KIAA1217: variants seen among roughly 807,000 people sequenced by gnomAD.
KIAA1217 encodes the protein KIAA1217, also known as sickle tail protein homolog.
In KIAA1217, 88 loss-of-function variants were observed where a neutral mutation model predicts 163.9. That is an observed-to-expected ratio of 0.54 (90% CI 0.45 to 0.64). KIAA1217 has a LOEUF of 0.64. Among genes scored for constraint, KIAA1217 ranks in the 30% least tolerant of loss-of-function variants. The probability of loss-of-function intolerance (pLI) is 0.00; values close to 1 mark genes in which losing one functional copy is unlikely to be tolerated. For missense variants in KIAA1217, 2,372 were observed against 2,475.0 expected (o/e 0.96, Z 0.88); for synonymous variants, 903 against 923.1 (o/e 0.98, Z 0.39).
chr10:24,081,754 TA>T (rs2061545002), intron 2 of KIAA1217, among the ~76,000 whole-genome samples: 1 of 152,206 alleles, frequency 6.6e-6, no homozygotes, highest in Admixed American at 6.5e-5. Flanking sequence ...AGAAAATTTA[TA>T]AATTTGTGTT....
At chr10:24,289,744 A>G (rs760594654) in intron 2 of KIAA1217, among the ~76,000 whole-genome samples, 7 of 152,118 alleles carry the variant, frequency 4.6e-5, no homozygotes, top group Non-Finnish European at 8.8e-5. Flanking sequence ...AGGTAGTCTC[A>G]GTAATGACCA....
At chr10:24,239,515 G>A (rs1226928743) in intron 2 of KIAA1217, among the ~76,000 whole-genome samples, 1 of 130,434 alleles carries the variant, frequency 7.7e-6, no homozygotes, top group East Asian at 2.1e-4. Context: ...TTTTTTTATT[G>A]AATGAACTGA....
Position 23,910,721 on chromosome 10 carries a change from C to T in KIAA1217, c.-320-96504C>T, listed in dbSNP as rs938037209. ...TTAGGTGTAAGCTGGTTCATCCATT[C>T]GACTGTTATGAACAGCCGCAGACCT... On this transcript the variant is annotated intron_variant, in intron 1 of 18. Transcript: ENST00000376462. Among the ~76,000 whole-genome samples, 7 of 152,300 alleles carry T rather than the reference C, an allele frequency of 4.6e-5. No homozygotes were observed. In the East Asian group the frequency reaches 5.8e-4, roughly 13 times the overall value.
Position 23,790,424 on chromosome 10 carries a change from T to TATATAC in KIAA1217, c.-321+95202_-321+95207dup, listed in dbSNP as rs1358472836. ...ACATATATACATATACATATATACA[T>TATATAC]ATATACATATACATATATACATATA... On this transcript the variant is annotated intron_variant, in intron 1 of 18. Coordinates refer to the KIAA1217 transcript ENST00000376462. Among the ~76,000 whole-genome samples, 8 of 114,396 alleles carry TATATAC rather than the reference T, an allele frequency of 7.0e-5. 1 individual carries two copies. The highest frequency in any genetic ancestry group is 1.2e-4 in the Non-Finnish European group (7 of 58,554). 75.0% of individuals were successfully genotyped at this position (114,396 alleles called of 152,430 possible).
intron 1 of KIAA1217, among the ~76,000 whole-genome samples, chr10:23,816,601 C>T (rs1168179184): frequency 6.6e-6 from 1 of 152,082 alleles, no homozygotes; most frequent in African/African-American, 2.4e-5. Context: ...CAGGAGTTCA[C>T]TTTTTGATAA....
chr10:23,928,176 A>G (rs565779009), intron 1 of KIAA1217, among the ~76,000 whole-genome samples: 6 of 152,328 alleles, frequency 3.9e-5, no homozygotes, highest in Admixed American at 1.3e-4. Flanking sequence ...CAAGGAAGCC[A>G]CATCTGGCAG....
At chr10:24,020,440 G>A (rs1445106700) in intron 2 of KIAA1217, among the ~76,000 whole-genome samples, 1 of 152,050 alleles carries the variant, frequency 6.6e-6, no homozygotes, top group Non-Finnish European at 1.5e-5. Flanking sequence ...GTCTCATTTG[G>A]GTGGGCAGTG....
At chr10:24,214,307 A>C (rs2068532799) in intron 1 of KIAA1217, among the ~76,000 whole-genome samples, 1 of 152,190 alleles carries the variant, frequency 6.6e-6, no homozygotes, top group South Asian at 2.1e-4. Context: ...GATTAAGGTT[A>C]ATTGTTCACT....
intron 2 of KIAA1217, among the ~76,000 whole-genome samples, chr10:24,309,928 ATTG>A (rs1343839932): frequency 1.3e-5 from 2 of 152,190 alleles, no homozygotes; most frequent in African/African-American, 4.8e-5. Flanking sequence ...CAGTGCAATA[ATTG>A]TTATTTGCAC....
chr10:23,784,496 T>G (rs915020061), intron 1 of KIAA1217, among the ~76,000 whole-genome samples: 1 of 151,828 alleles, frequency 6.6e-6, no homozygotes, highest in Non-Finnish European at 1.5e-5. Context: ...TTCTGTGGGG[T>G]TTTTTTTGTT....
chr10:24,055,352 A>C (rs1849819381), intron 2 of KIAA1217, among the ~76,000 whole-genome samples: 1 of 152,202 alleles, frequency 6.6e-6, no homozygotes, highest in African/African-American at 2.4e-5. Flanking sequence ...TGTCTTGTTT[A>C]ATATTAGACT....
chr10:23,920,016 G>A (rs1315828960), intron 1 of KIAA1217, among the ~76,000 whole-genome samples: 1 of 152,180 alleles, frequency 6.6e-6, no homozygotes, highest in Non-Finnish European at 1.5e-5. Flanking sequence ...TCCAAGAGAA[G>A]ATTCCAGAAT....
intron 1 of KIAA1217, among the ~76,000 whole-genome samples, chr10:23,762,469 A>C (rs1834310591): frequency 6.6e-6 from 1 of 152,196 alleles, no homozygotes; most frequent in Admixed American, 6.5e-5. Flanking sequence ...AACATACCCA[A>C]ATCAATAAAT....
rs577327774 is a variant in KIAA1217, at chr10:24,115,507, A to C, written c.-170-104119A>C. Among the ~76,000 whole-genome samples the C allele has an allele frequency of 9.8e-5, 15 of 152,328 alleles. No homozygotes were observed. In the East Asian group the frequency reaches 2.9e-3, roughly 29 times the overall value. On this transcript the variant is annotated intron_variant, in intron 2 of 18. Coordinates refer to the KIAA1217 transcript ENST00000376462. The stretch of plus-strand genomic sequence containing the variant: ...CAGGCCAAAAACTGTCCAGTAATAC[A>C]CATGATCTCACACTTGTTTACAGGT...
chr10:24,298,564 G>A (rs563161204), intron 2 of KIAA1217, among the ~76,000 whole-genome samples: 89 of 152,216 alleles, frequency 5.8e-4, no homozygotes, highest in African/African-American at 1.8e-3. Context: ...TTGGGAGGCC[G>A]AAGTGGGCGG....
At chr10:23,955,445 T>C (rs1469738865) in intron 1 of KIAA1217, among the ~76,000 whole-genome samples, 2 of 152,236 alleles carry the variant, frequency 1.3e-5, no homozygotes, top group Non-Finnish European at 2.9e-5. Context: ...CTATGAATGA[T>C]GCTTCGCTCC....
chr10:24,276,758 T>A (rs2132095010), intron 2 of KIAA1217, among the ~76,000 whole-genome samples: 1 of 152,178 alleles, frequency 6.6e-6, no homozygotes, highest in South Asian at 2.1e-4. Context: ...TACAAGCATG[T>A]GCTACTACGC....
intron 2 of KIAA1217, among the ~76,000 whole-genome samples, chr10:24,049,577 G>A (rs148792293): frequency 1.3e-5 from 2 of 152,238 alleles, no homozygotes; most frequent in African/African-American, 4.8e-5. Flanking sequence ...CGGTTCTTGT[G>A]ATAGTTTGCT....
chr10:24,376,592 G>A lies in KIAA1217; in HGVS notation c.355-4277G>A, dbSNP rs143797329. On this transcript the variant is annotated intron_variant, in intron 2 of 20. Coordinates refer to ENST00000376454, the MANE Select transcript of KIAA1217 (RefSeq NM_019590.5). ...AGCCTGGGCAACAAAGTGAGACCTCGTCTACTACAAATTAAAACAATTAGC... is the reference window on the plus strand; with the variant it reads ...AGCCTGGGCAACAAAGTGAGACCTCATCTACTACAAATTAAAACAATTAGC... Among the ~76,000 whole-genome samples, 973 of 152,188 alleles carry A rather than the reference G, an allele frequency of 6.4e-3. 5 individuals are homozygous for A. The highest frequency in any genetic ancestry group is 0.017 in the Middle Eastern group (5 of 294).
Sources: gnomAD v4.1 joint callset for allele counts (sites outside exome capture counted in the v4.1 genomes callset) on GRCh38, gnomAD v4.1.1 for gene constraint, MANE v1.5 for transcripts, NCBI Gene and HGNC (gene_info 2026-07-23, HGNC 2026-07-21) for gene names.